Variants in ADAMTSL1 observed in about 807,000 individuals in gnomAD.
The protein encoded by ADAMTSL1 is ADAMTS-like protein 1.
A neutral mutation model predicts 201.8 loss-of-function variants in ADAMTSL1; 126 were observed. That is an observed-to-expected ratio of 0.62 (90% CI 0.54 to 0.72). The LOEUF is 0.72. Ranked by LOEUF, ADAMTSL1 falls within the 30% of genes least tolerant of loss-of-function variation. The probability of loss-of-function intolerance (pLI) is 0.00; values close to 1 mark genes in which losing one functional copy is unlikely to be tolerated. For synonymous variants in ADAMTSL1, 1,121 were observed against 903.4 expected, an observed-to-expected ratio of 1.24 and a Z score of -4.32; for missense variants, 2,679 against 2,277.8, an observed-to-expected ratio of 1.18 and a Z score of -3.59.
chr9:18,159,882 C>A (rs1033435489), intron 1 of ADAMTSL1, among the ~76,000 whole-genome samples: 1 of 152,004 alleles, frequency 6.6e-6, no homozygotes, highest in Non-Finnish European at 1.5e-5. Flanking sequence ...AAGCCAAATG[C>A]AAAAGATTCT....
At chr9:18,197,335 T>C (rs1829224661) in intron 2 of ADAMTSL1, among the ~76,000 whole-genome samples, 1 of 151,838 alleles carries the variant, frequency 6.6e-6, no homozygotes, top group Non-Finnish European at 1.5e-5. Flanking sequence ...TCCATTTGTT[T>C]GTATCCTCTT....
intron 2 of ADAMTSL1, among the ~76,000 whole-genome samples, chr9:18,201,830 T>C (rs1401048399): frequency 6.6e-6 from 1 of 152,168 alleles, no homozygotes. Context: ...TTTCTCCATC[T>C]GCAACATAGG....
At chr9:18,864,905 C>T (rs898334342) in intron 23 of ADAMTSL1, among the ~76,000 whole-genome samples, 2 of 152,072 alleles carry the variant, frequency 1.3e-5, no homozygotes, top group African/African-American at 2.4e-5. Context: ...TTCCTTTTCC[C>T]TATTTCATGT....
chr9:18,891,762 G>T (rs933825813), intron 25 of ADAMTSL1, among the ~76,000 whole-genome samples: 1 of 152,190 alleles, frequency 6.6e-6, no homozygotes, highest in African/African-American at 2.4e-5. Flanking sequence ...CTTCAGTGAG[G>T]CCCAGATTAC....
chr9:18,680,795 G>A, intron 11 of ADAMTSL1: 2 of 427,028 alleles, frequency 4.7e-6, no homozygotes, highest in Non-Finnish European at 4.3e-6. Context: ...GCCTTTCAAG[G>A]GTAATTGAGG....
intron 20 of ADAMTSL1, among the ~76,000 whole-genome samples, chr9:18,815,000 A>G (rs1823742401): frequency 6.6e-6 from 1 of 152,208 alleles, no homozygotes; most frequent in African/African-American, 2.4e-5. Context: ...ACCAAAACCA[A>G]AATGTGATAT....
intron 23 of ADAMTSL1, among the ~76,000 whole-genome samples, chr9:18,882,670 G>A (rs945871561): frequency 5.3e-5 from 8 of 152,204 alleles, no homozygotes; most frequent in Non-Finnish European, 1.2e-4. Flanking sequence ...GGAGCTTGTG[G>A]TGAGACTGCT....
rs1326707105 is a variant in ADAMTSL1, at chr9:18,574,541, C to T, written c.474+275C>T. On this transcript the variant is annotated intron_variant, in intron 4 of 28. Coordinates refer to ENST00000380548, the MANE Select transcript of ADAMTSL1 (RefSeq NM_001040272.6). The stretch of plus-strand genomic sequence containing the variant: ...TTGAATAGTGTTTATCAATTATGTA[C>T]TAGACTTTGAAATTATCCCCTGGAT... The T allele has an allele frequency of 8.9e-6, 5 of 559,328 alleles. No individual in the cohort carries two copies. The African/African-American group carries it at 9.4e-5, about 11-fold the overall frequency. 34.6% of individuals were successfully genotyped at this position (559,328 alleles called of 1,614,324 possible).
intron 23 of ADAMTSL1, among the ~76,000 whole-genome samples, chr9:18,856,195 A>C (rs549677935): frequency 2.8e-4 from 42 of 152,338 alleles, no homozygotes; most frequent in African/African-American, 8.7e-4. Context: ...TGCCGAGATA[A>C]AAATATTATA....
At chr9:18,131,580 A>G (rs535238104) in intron 1 of ADAMTSL1, among the ~76,000 whole-genome samples, 1 of 152,162 alleles carries the variant, frequency 6.6e-6, no homozygotes, top group African/African-American at 2.4e-5. Context: ...TCTTCTTGAC[A>G]TTTTCTCTCC....
intron 2 of ADAMTSL1, among the ~76,000 whole-genome samples, chr9:18,414,903 T>C (rs1458229137): frequency 6.6e-6 from 1 of 152,178 alleles, no homozygotes; most frequent in Non-Finnish European, 1.5e-5. Context: ...TGGGAGGTAA[T>C]GCCTGTTCCC....
chr9:18,463,662 T>C (rs1820892557), intron 2 of ADAMTSL1, among the ~76,000 whole-genome samples: 1 of 152,200 alleles, frequency 6.6e-6, no homozygotes, highest in African/African-American at 2.4e-5. Context: ...CTCATCCATG[T>C]TGTAACATGT....
intron 1 of ADAMTSL1, among the ~76,000 whole-genome samples, chr9:17,908,125 G>C (rs911532972): frequency 4.6e-5 from 7 of 152,252 alleles, no homozygotes; most frequent in Admixed American, 2.0e-4. Context: ...GGAGCAGCAG[G>C]GATTACTCTC....
chr9:18,626,833 C>CTGTCTT (rs1248456261), intron 5 of ADAMTSL1, among the ~76,000 whole-genome samples: 1,609 of 127,414 alleles, frequency 0.013, 35 homozygotes, highest in African/African-American at 0.042. Flanking sequence ...TTCTTTCTTA[C>CTGTCTT]TTTCTTTTTC....
chr9:17,988,302 C>G (rs900223967), intron 1 of ADAMTSL1, among the ~76,000 whole-genome samples: 1 of 152,078 alleles, frequency 6.6e-6, no homozygotes, highest in African/African-American at 2.4e-5. Flanking sequence ...ACATGTTACT[C>G]TCTATTGACC....
At chr9:17,924,246 A>G (rs1818293792) in intron 1 of ADAMTSL1, among the ~76,000 whole-genome samples, 2 of 152,048 alleles carry the variant, frequency 1.3e-5, no homozygotes, top group African/African-American at 2.4e-5. Flanking sequence ...CTGTGAATCC[A>G]TCTGGTCCTG....
intron 20 of ADAMTSL1, among the ~76,000 whole-genome samples, chr9:18,797,686 A>C (rs1323942247): frequency 6.6e-6 from 1 of 152,172 alleles, no homozygotes; most frequent in African/African-American, 2.4e-5. Context: ...GTGATCTTGG[A>C]CAAAGTATAT....
intron 1 of ADAMTSL1, among the ~76,000 whole-genome samples, chr9:18,130,294 CTA>C (rs1258093825): frequency 6.6e-6 from 1 of 152,144 alleles, no homozygotes; most frequent in Admixed American, 6.5e-5. Flanking sequence ...CTGGAAGAAA[CTA>C]TTAAGAATCA....
chr9:18,555,218 T>C (rs1044151794), intron 3 of ADAMTSL1, among the ~76,000 whole-genome samples: 4 of 151,860 alleles, frequency 2.6e-5, no homozygotes, highest in African/African-American at 9.7e-5. Flanking sequence ...CTTTATCCCC[T>C]GTTCCCTGCT....
Sources: gnomAD v4.1 joint callset for allele counts (sites outside exome capture counted in the v4.1 genomes callset) on GRCh38, gnomAD v4.1.1 for gene constraint, MANE v1.5 for transcripts, NCBI Gene and HGNC (gene_info 2026-07-23, HGNC 2026-07-21) for gene names.